UBALD1: variants seen among roughly 807,000 people sequenced by gnomAD.
UBALD1 encodes UBA like domain containing 1, also known as UBA-like domain-containing protein 1.
Under a neutral mutation model 16.1 loss-of-function variants are expected in UBALD1, and 5 were observed. That is an observed-to-expected ratio of 0.31 (90% CI 0.16 to 0.66). UBALD1 has a LOEUF of 0.66. Ranked by LOEUF, UBALD1 falls within the 30% of genes least tolerant of loss-of-function variation. The pLI, the probability that UBALD1 is intolerant of heterozygous loss-of-function variation, is 0.77. For missense variants in UBALD1, 220 were observed against 252.8 expected, an observed-to-expected ratio of 0.87 and a Z score of 0.88; for synonymous variants, 146 against 105.3, an observed-to-expected ratio of 1.39 and a Z score of -2.37.
At chr16:4,613,570 T>A (rs1897383843) in intron 1 of UBALD1, among the ~76,000 whole-genome samples, 1 of 152,042 alleles carries the variant, frequency 6.6e-6, no homozygotes, top group Non-Finnish European at 1.5e-5. Context: ...CTGGGATGGC[T>A]CCTCATGGAG....
At chr16:4,614,609 C>G in intron 1 of UBALD1, 69 bp downstream of exon 1, 2 of 1,290,076 alleles carry the variant, frequency 1.6e-6, no homozygotes, top group Non-Finnish European at 2.0e-6. Context: ...CGTCCGCCCC[C>G]GCCCGGCGGC....
intron 1 of UBALD1, chr16:4,611,345 C>T (rs1301146226): frequency 6.6e-6 from 1 of 152,354 alleles, no homozygotes; most frequent in Non-Finnish European, 1.5e-5. Context: ...GCCCTAGGAT[C>T]AAAGCCACCA....
In UBALD1 at chr16:4,614,828, C is replaced by G. The variant is rs375611173; in HGVS notation, c.-31G>C. ...CGCCGCGCTGCCCGCTCCGGCCTCCCTCCTCCGCCCGCGCCTCCGCCTCAC... is the reference window on the plus strand; with the variant it reads ...CGCCGCGCTGCCCGCTCCGGCCTCCGTCCTCCGCCCGCGCCTCCGCCTCAC... On this transcript the variant is annotated 5_prime_UTR_variant, in exon 1 of 3. Coordinates refer to ENST00000283474, the MANE Select transcript of UBALD1 (RefSeq NM_145253.3). 2.3e-4 allele frequency: 337 copies of G among 1,480,252 alleles called. 4 individuals are homozygous for G. The highest frequency in any genetic ancestry group is 1.5e-3 in the South Asian group (114 of 73,868). The allele number at this position is 1,480,252 out of a possible 1,614,324, so 91.7% of individuals were successfully genotyped here. A position where few individuals can be genotyped will look rare whatever the true frequency, so the allele number is the denominator to read the frequency against.
At position 4,609,451 on chromosome 16, in the gene UBALD1, C is replaced by T. The variant is rs371326966; in HGVS notation, c.*182G>A. On this transcript the variant is annotated 3_prime_UTR_variant, in exon 3 of 3. Coordinates refer to ENST00000283474, the MANE Select transcript of UBALD1 (RefSeq NM_145253.3). ...CGGGGCCGCTGGGGCCATGACCTTG[C>T]GTGTGGGCAGCTGCGTGTTCTGGCA... The T allele has an allele frequency of 3.9e-5, 16 of 406,074 alleles. No homozygotes were observed. Among genetic ancestry groups the T allele is most frequent in the South Asian group, 3.7e-4 (3 of 8,036 alleles). 25.2% of individuals were successfully genotyped at this position (406,074 alleles called of 1,614,324 possible).
chr16:4,614,450 C>T, intron 1 of UBALD1: 2 of 585,284 alleles, frequency 3.4e-6, no homozygotes, highest in Non-Finnish European at 5.2e-6. Flanking sequence ...GACTCGCGGC[C>T]CCGCGGGGGC....
rs775372201 is a variant in UBALD1, at chr16:4,614,821, G to C, written c.-24C>G. ...ATGGCGCCGCCGCGCTGCCCGCTCC[G>C]GCCTCCCTCCTCCGCCCGCGCCTCC... On this transcript the variant is annotated 5_prime_UTR_variant, in exon 1 of 3. Transcript: ENST00000283474. 6.1e-6 allele frequency: 9 copies of C among 1,485,990 alleles called. 1 individual carries two copies. In the Admixed American group the frequency reaches 1.9e-4, roughly 32 times the overall value. 92.1% of individuals were successfully genotyped at this position (1,485,990 alleles called of 1,614,324 possible).
At chr16:4,610,457 G>T in intron 2 of UBALD1, 36 bp downstream of exon 2, 1 of 1,573,418 alleles carries the variant, frequency 6.4e-7, no homozygotes. Context: ...GCCTCCTTCC[G>T]CCCAATCCAG....
At position 4,614,440 on chromosome 16, in the gene UBALD1, G is replaced by A. The variant is rs1185984928; in HGVS notation, c.120+238C>T. 1.7e-5 allele frequency: 9 copies of A among 519,846 alleles called. No individual in the cohort carries two copies. The South Asian group carries it at 3.1e-4, about 18-fold the overall frequency. 32.2% of individuals were successfully genotyped at this position (519,846 alleles called of 1,614,324 possible). ...GGGGGTCCCCGTCTCGATCCCGGGG[G>A]ACTCGCGGCCCCGCGGGGGCGGCGT... On this transcript the variant is annotated intron_variant, in intron 1 of 2. Transcript: ENST00000283474.
rs1596545836 is a variant in UBALD1, at chr16:4,609,355, G to A, written c.*278C>T. On this transcript the variant is annotated 3_prime_UTR_variant, in exon 3 of 3. Coordinates refer to ENST00000283474, the MANE Select transcript of UBALD1 (RefSeq NM_145253.3). The stretch of plus-strand genomic sequence containing the variant: ...GGCTGGGCTGGGCAGGTGCGTCTTC[G>A]AAGGAAGGCTGCGTGGTCTCTGAAG... 2.9e-6 allele frequency: 1 copy of A among 340,858 alleles called. No homozygotes were observed. The highest frequency in any genetic ancestry group is 4.5e-5 in the East Asian group (1 of 22,362). The allele number at this position is 340,858 out of a possible 1,614,324, so 21.1% of individuals were successfully genotyped here.
intron 2 of UBALD1, 36 bp downstream of exon 2, chr16:4,610,457 G>A (rs776433950): frequency 3.6e-5 from 57 of 1,573,302 alleles, no homozygotes; most frequent in East Asian, 1.3e-4. Flanking sequence ...GCCTCCTTCC[G>A]CCCAATCCAG....
intron 1 of UBALD1, 105 bp downstream of exon 1, chr16:4,614,573 G>T: frequency 7.8e-7 from 1 of 1,280,964 alleles, no homozygotes; most frequent in Non-Finnish European, 9.9e-7. Context: ...GCCCGGAGGG[G>T]GCGCACAGCC....
chr16:4,610,741 G>A (rs1428877246), intron 1 of UBALD1, 186 bp from the exon 2 acceptor site: 4 of 628,228 alleles, frequency 6.4e-6, no homozygotes, highest in Non-Finnish European at 1.1e-5. Flanking sequence ...CTAAGGAGGA[G>A]CCACGGAACC....
At position 4,609,781 on chromosome 16, in the gene UBALD1, G is replaced by A. The variant is rs770455966; in HGVS notation, c.386C>T (p.Ser129Leu). ...SAASSWPTAA[S>L]PPGGPQHHQP... The stretch of plus-strand genomic sequence containing the variant: ...GTGGTGCTGTGGGCCCCCCGGGGGC[G>A]AGGCCGCCGTGGGCCAGCTGGAGGC... The change falls in exon 3 of 3, where the codon TCG becomes TTG. Residue 129 changes from serine to leucine, a missense_variant. Ser to Leu is a moderately radical substitution (Grantham distance 145). Coordinates refer to ENST00000283474, the MANE Select transcript of UBALD1 (RefSeq NM_145253.3). 31 of 1,497,414 alleles carry A rather than the reference G, an allele frequency of 2.1e-5. No homozygotes were observed. The highest frequency in any genetic ancestry group is 4.3e-5 in the African/African-American group (3 of 70,400). The allele number at this position is 1,497,414 out of a possible 1,614,324, so 92.8% of individuals were successfully genotyped here. A position where few individuals can be genotyped will look rare whatever the true frequency, so the allele number is the denominator to read the frequency against.
At chr16:4,614,374 G>A in intron 1 of UBALD1, 1 of 370,284 alleles carries the variant, frequency 2.7e-6, no homozygotes, top group Non-Finnish European at 4.8e-6. Flanking sequence ...GCACCGCGGG[G>A]CCGCCCGGCC....
At position 4,609,302 on chromosome 16, in the gene UBALD1, G is replaced by A. The variant is rs1418130488; in HGVS notation, c.*331C>T. On this transcript the variant is annotated 3_prime_UTR_variant, in exon 3 of 3. Transcript: ENST00000283474. ...CAAGCCAGGGATCAGCAATGTCTCTGCCAGGGTGGTCCTCCACGGCACCCC... is the reference window on the plus strand; with the variant it reads ...CAAGCCAGGGATCAGCAATGTCTCTACCAGGGTGGTCCTCCACGGCACCCC... 3.2e-5 allele frequency: 8 copies of A among 249,004 alleles called. No homozygotes were observed. The highest frequency in any genetic ancestry group is 6.1e-5 in the Non-Finnish European group (8 of 130,846). The allele number at this position is 249,004 out of a possible 1,614,324, so 15.4% of individuals were successfully genotyped here. A position where few individuals can be genotyped will look rare whatever the true frequency, so the allele number is the denominator to read the frequency against.
chr16:4,610,568 A>G lies in UBALD1; in HGVS notation c.121-13T>C. 3.1e-6 allele frequency: 5 copies of G among 1,607,640 alleles called. No homozygotes were observed. The highest frequency in any genetic ancestry group is 4.2e-6 in the Non-Finnish European group (5 of 1,177,900). ...CGCTGAGGGCTGTCTGCAGGAAGAA[A>G]GGCCCCTGCTCACCCTCCAGGCCCC... On this transcript the variant is annotated splice_polypyrimidine_tract_variant and intron_variant, in intron 1 of 2. Transcript: ENST00000283474.
rs769424037 is a variant in UBALD1 at position 4,609,927 on chromosome 16, G to A, written c.240C>T (p.Thr80=). Residue 80 remains threonine (T), a synonymous_variant, in exon 3 of 3, where the codon ACC becomes ACT. Transcript: ENST00000283474. ...CGGAGGCCTTGAGACGGGAGAACAT[G>A]GTGAGAGCGTCAGGGAAGTTGGGGG... ...ATPPNFPDAL[T]MFSRLKASES... The A allele has an allele frequency of 1.1e-5, 17 of 1,599,338 alleles. No individual in the cohort carries two copies. The highest frequency in any genetic ancestry group is 1.4e-5 in the Non-Finnish European group (17 of 1,172,644).
At chr16:4,612,251 A>G (rs1365056427) in intron 1 of UBALD1, among the ~76,000 whole-genome samples, 2 of 152,024 alleles carry the variant, frequency 1.3e-5, no homozygotes, top group East Asian at 1.9e-4. Context: ...TTTAGTAGAG[A>G]TGGGGTTTCA....
intron 1 of UBALD1, chr16:4,614,032 C>T (rs1897390333): frequency 6.5e-6 from 1 of 154,012 alleles, no homozygotes; most frequent in African/African-American, 2.4e-5. Flanking sequence ...CACTCCAGGC[C>T]GTGTACACAC....
Sources: gnomAD v4.1 joint callset for allele counts (sites outside exome capture counted in the v4.1 genomes callset) on GRCh38, gnomAD v4.1.1 for gene constraint, MANE v1.5 for transcripts, NCBI Gene and HGNC (gene_info 2026-07-23, HGNC 2026-07-21) for gene names.